Variants in CSMD1 observed in about 807,000 individuals in gnomAD.
CSMD1 encodes the protein CUB and Sushi multiple domains 1.
Under a neutral mutation model 417.5 loss-of-function variants are expected in CSMD1, and 213 were observed. The observed-to-expected ratio is 0.51, with a 90% CI of 0.46 to 0.57. The LOEUF (loss-of-function observed/expected upper bound fraction) is 0.57, where lower values mean the gene tolerates loss of function less well. CSMD1 is among the 20% of genes least tolerant of loss of function. The pLI is 0.00. For missense variants in CSMD1, 6,923 were observed against 4,529.7 expected (o/e 1.53, Z -15.17); for synonymous variants, 2,862 against 1,736.8 (o/e 1.65, Z -16.11).
intron 10 of CSMD1, among the ~76,000 whole-genome samples, chr8:3,535,165 G>A (rs1490183262): frequency 6.6e-6 from 1 of 151,878 alleles, no homozygotes; most frequent in Non-Finnish European, 1.5e-5. Flanking sequence ...TGGTGCCCAT[G>A]CTGGTCTCAA....
intron 3 of CSMD1, among the ~76,000 whole-genome samples, chr8:4,221,693 C>A (rs551977492): frequency 1.3e-5 from 2 of 152,296 alleles, no homozygotes; most frequent in African/African-American, 4.8e-5. Flanking sequence ...CACATTCCAG[C>A]AATAGACTGG....
chr8:4,680,208 G>A (rs1397553045), intron 1 of CSMD1, among the ~76,000 whole-genome samples: 4 of 152,118 alleles, frequency 2.6e-5, no homozygotes, highest in Admixed American at 2.0e-4. Flanking sequence ...ATTGTGTTCT[G>A]CAAAAATGCA....
chr8:3,776,646 T>C (rs1183533402), intron 5 of CSMD1, among the ~76,000 whole-genome samples: 1 of 152,072 alleles, frequency 6.6e-6, no homozygotes, highest in East Asian at 1.9e-4. Context: ...ACCACCTCCT[T>C]CTTTCCCTCC....
At chr8:4,025,421 T>C (rs1797010329) in intron 4 of CSMD1, among the ~76,000 whole-genome samples, 1 of 152,214 alleles carries the variant, frequency 6.6e-6, no homozygotes, top group South Asian at 2.1e-4. Context: ...TGTACCATTA[T>C]TATTTAATAA....
chr8:4,717,541 T>G (rs1435288474), intron 1 of CSMD1, among the ~76,000 whole-genome samples: 1 of 143,594 alleles, frequency 7.0e-6, no homozygotes, highest in Non-Finnish European at 1.5e-5. Flanking sequence ...AATCTGTCTG[T>G]CTGTCTACCT....
chr8:4,793,177 G>C (rs1004733719), intron 1 of CSMD1, among the ~76,000 whole-genome samples: 3 of 152,004 alleles, frequency 2.0e-5, no homozygotes, highest in Admixed American at 1.3e-4. Flanking sequence ...CCTTGATCAT[G>C]GAGTAATTAT....
At position 4,636,940 on chromosome 8, in the gene CSMD1, G is replaced by C. The variant is rs578164899; in HGVS notation, c.302+402C>G. Among the ~76,000 whole-genome samples the C allele has an allele frequency of 3.3e-5, 5 of 152,152 alleles. No individual in the cohort carries two copies. The South Asian group carries it at 1.0e-3, about 32-fold the overall frequency. ...AGCGCTCTGTAAAATGCACCAATCA[G>C]CGCTCTATAAAACACACCAATCAGC... On this transcript the variant is annotated intron_variant, in intron 2 of 69. Coordinates refer to ENST00000635120, the MANE Select transcript of CSMD1 (RefSeq NM_033225.6).
intron 12 of CSMD1, among the ~76,000 whole-genome samples, chr8:3,425,117 G>T (rs565013778): frequency 6.6e-6 from 1 of 152,152 alleles, no homozygotes; most frequent in Non-Finnish European, 1.5e-5. Context: ...CACCATGCTT[G>T]TCCTATTTTA....
intron 67 of CSMD1, among the ~76,000 whole-genome samples, chr8:2,949,626 AT>A (rs1454032148): frequency 1.3e-5 from 2 of 152,172 alleles, no homozygotes; most frequent in African/African-American, 4.8e-5. Context: ...GATCTCGAAA[AT>A]GATAGCAAAT....
At chr8:4,349,933 T>G (rs1308168440) in intron 3 of CSMD1, among the ~76,000 whole-genome samples, 1 of 152,102 alleles carries the variant, frequency 6.6e-6, no homozygotes, top group African/African-American at 2.4e-5. Flanking sequence ...ACCTTTATAC[T>G]GCCAAACTTT....
intron 20 of CSMD1, among the ~76,000 whole-genome samples, chr8:3,359,748 G>A (rs544917418): frequency 7.1e-4 from 108 of 152,042 alleles, no homozygotes; most frequent in African/African-American, 2.4e-3. Flanking sequence ...AGGCAAGATC[G>A]GAAATGTTCC....
chr8:2,976,860 G>C (rs1197197980), intron 55 of CSMD1, among the ~76,000 whole-genome samples: 1 of 151,480 alleles, frequency 6.6e-6, no homozygotes, highest in African/African-American at 2.4e-5. Context: ...TGGCTATTTG[G>C]GTAAAATGAT....
intron 18 of CSMD1, 56 bp downstream of exon 18, chr8:3,387,438 G>A (rs1300007989): frequency 5.6e-6 from 8 of 1,434,956 alleles, no homozygotes; most frequent in African/African-American, 1.4e-5. Context: ...CTAGTTAGAC[G>A]TGTGCGCTGT....
chr8:3,629,572 T>C lies in CSMD1; in HGVS notation c.1010-12775A>G, dbSNP rs887439036. 2.6e-5 allele frequency among the ~76,000 whole-genome samples: 4 copies of C among 152,214 alleles called. No individual in the cohort carries two copies. The East Asian group carries it at 7.7e-4, about 29-fold the overall frequency. On this transcript the variant is annotated intron_variant, in intron 7 of 69. Transcript: ENST00000635120. ...CCTGTAAACAGTTTAGACTAAATTA[T>C]TTCAGTGTTTTCTTTCAACTTTAAT...
chr8:3,211,154 C>A (rs1472560171), intron 30 of CSMD1, among the ~76,000 whole-genome samples: 1 of 152,168 alleles, frequency 6.6e-6, no homozygotes, highest in Non-Finnish European at 1.5e-5. Flanking sequence ...AAGTGATACT[C>A]CCACTACAGC....
intron 23 of CSMD1, among the ~76,000 whole-genome samples, chr8:3,317,658 C>T (rs186699454): frequency 1.2e-4 from 19 of 152,242 alleles, no homozygotes; most frequent in African/African-American, 4.3e-4. Context: ...GTAGAACCAG[C>T]CTACAGTTAT....
intron 2 of CSMD1, among the ~76,000 whole-genome samples, chr8:4,525,997 T>G (rs1352214731): frequency 6.6e-6 from 1 of 152,016 alleles, no homozygotes; most frequent in East Asian, 1.9e-4. Flanking sequence ...CAGAAAACAG[T>G]GGGGAGCTCT....
At chr8:4,797,753 G>A (rs1185119570) in intron 1 of CSMD1, among the ~76,000 whole-genome samples, 1 of 152,144 alleles carries the variant, frequency 6.6e-6, no homozygotes, top group Non-Finnish European at 1.5e-5. Context: ...TAGAAGATAA[G>A]TAACTTTTAT....
intron 5 of CSMD1, among the ~76,000 whole-genome samples, chr8:3,974,672 C>G (rs917153879): frequency 7.7e-6 from 1 of 129,322 alleles, no homozygotes; most frequent in Non-Finnish European, 1.6e-5. Context: ...CAGCGTGCAG[C>G]TCTTTTTTTT....
Sources: allele counts gnomAD v4.1 joint callset (sites outside exome capture counted in the v4.1 genomes callset), GRCh38; gene constraint gnomAD v4.1.1; transcripts MANE v1.5; gene names NCBI Gene and HGNC (gene_info 2026-07-23, HGNC 2026-07-21).